The following LTBP1 variants were observed in gnomAD, a reference collection of about 807,000 sequenced individuals.
The protein encoded by LTBP1 is latent-transforming growth factor beta-binding protein 1.
A neutral mutation model predicts 207.6 loss-of-function variants in LTBP1; 129 were observed. That is an observed-to-expected ratio of 0.62 (90% CI 0.54 to 0.72). The LOEUF (loss-of-function observed/expected upper bound fraction) is 0.72. Among genes scored for constraint, LTBP1 ranks in the 30% least tolerant of loss-of-function variants. The probability of loss-of-function intolerance (pLI) is 0.00; values close to 1 mark genes in which losing one functional copy is unlikely to be tolerated. For missense variants in LTBP1, 2,281 were observed against 2,217.2 expected, an observed-to-expected ratio of 1.03 and a Z score of -0.58; for synonymous variants, 963 against 833.7, an observed-to-expected ratio of 1.16 and a Z score of -2.67.
At chr2:33,197,422 C>G (rs1332435958) in intron 7 of LTBP1, among the ~76,000 whole-genome samples, 1 of 152,320 alleles carries the variant, frequency 6.6e-6, no homozygotes, top group Non-Finnish European at 1.5e-5. Context: ...AGGGTAATCT[C>G]ATTTTTCACA....
intron 5 of LTBP1, among the ~76,000 whole-genome samples, chr2:33,147,913 T>A (rs2083186562): frequency 2.6e-5 from 4 of 152,188 alleles, no homozygotes; most frequent in African/African-American, 9.7e-5. Context: ...CCTTTTTTGC[T>A]CCAGTGGAAC....
intron 7 of LTBP1, among the ~76,000 whole-genome samples, chr2:33,215,946 C>T (rs1168693547): frequency 6.6e-6 from 1 of 152,054 alleles, no homozygotes; most frequent in Non-Finnish European, 1.5e-5. Context: ...ATCTCCTGAC[C>T]TCGTGATCTG....
At chr2:32,986,015 C>G (rs1196037603) in intron 2 of LTBP1, among the ~76,000 whole-genome samples, 1 of 152,084 alleles carries the variant, frequency 6.6e-6, no homozygotes, top group Non-Finnish European at 1.5e-5. Context: ...CTATCAATTG[C>G]AAGTACAAAA....
intron 2 of LTBP1, among the ~76,000 whole-genome samples, chr2:33,004,502 A>G (rs1686494982): frequency 6.6e-6 from 1 of 151,914 alleles, no homozygotes. Flanking sequence ...TTTAAAAATT[A>G]TGGTAAAATT....
At chr2:33,378,174 T>C (rs1186160809) in intron 31 of LTBP1, among the ~76,000 whole-genome samples, 1 of 126,912 alleles carries the variant, frequency 7.9e-6, no homozygotes, top group East Asian at 3.1e-4. Context: ...TTTACTTTCA[T>C]ATATATATAT....
At chr2:32,999,436 AG>A (rs1209571303) in intron 2 of LTBP1, among the ~76,000 whole-genome samples, 1 of 79,390 alleles carries the variant, frequency 1.3e-5, no homozygotes, top group African/African-American at 3.7e-5. Context: ...GTTGGTGCCT[AG>A]ATTGGAGCCC....
chr2:33,033,864 G>A (rs887539508), intron 3 of LTBP1, among the ~76,000 whole-genome samples: 8 of 152,122 alleles, frequency 5.3e-5, no homozygotes, highest in Admixed American at 1.3e-4. Flanking sequence ...GCTATTTTGC[G>A]TATGGACAGT....
chr2:33,132,303 G>C (rs2081860497), intron 4 of LTBP1, among the ~76,000 whole-genome samples: 1 of 152,136 alleles, frequency 6.6e-6, no homozygotes, highest in African/African-American at 2.4e-5. Flanking sequence ...TTCTCTGCTG[G>C]TGAAATCAGG....
At chr2:32,962,121 G>T (rs1307877546) in intron 2 of LTBP1, among the ~76,000 whole-genome samples, 1 of 151,980 alleles carries the variant, frequency 6.6e-6, no homozygotes, top group East Asian at 1.9e-4. Context: ...TGAGTTTTTG[G>T]TAACTAAAGA....
At chr2:32,958,948 T>A (rs375044322) in intron 2 of LTBP1, among the ~76,000 whole-genome samples, 187 of 152,354 alleles carry the variant, frequency 1.2e-3, no homozygotes, top group African/African-American at 4.3e-3. Flanking sequence ...CATCATCTGA[T>A]AGAGATTTGG....
At chr2:33,248,969 A>C (rs995549451) in intron 10 of LTBP1, among the ~76,000 whole-genome samples, 2 of 152,138 alleles carry the variant, frequency 1.3e-5, no homozygotes, top group African/African-American at 4.8e-5. Context: ...AGACTCCTCA[A>C]AGCAGCTTTA....
intron 31 of LTBP1, among the ~76,000 whole-genome samples, chr2:33,384,882 C>T (rs185930216): frequency 3.9e-5 from 6 of 152,208 alleles, no homozygotes; most frequent in African/African-American, 1.4e-4. Flanking sequence ...TGCCCAGAGG[C>T]CCAGCACATG....
intron 25 of LTBP1, among the ~76,000 whole-genome samples, chr2:33,345,001 G>A (rs1199945774): frequency 2.0e-5 from 3 of 152,012 alleles, no homozygotes; most frequent in African/African-American, 7.3e-5. Context: ...CCTTAGAGAA[G>A]GAATATTTGT....
chr2:33,360,869 A>G, intron 27 of LTBP1, 90 bp downstream of exon 27: 2 of 1,171,230 alleles, frequency 1.7e-6, no homozygotes, highest in Non-Finnish European at 2.5e-6. Context: ...TCCCACAGCC[A>G]ACTCAAGGCG....
At chr2:32,961,705 G>A (rs1420180631) in intron 2 of LTBP1, among the ~76,000 whole-genome samples, 1 of 152,158 alleles carries the variant, frequency 6.6e-6, no homozygotes, top group Non-Finnish European at 1.5e-5. Context: ...CAGCACTTTG[G>A]GAGGCTGAGG....
In LTBP1 at chr2:33,350,503, C is replaced by T. The variant is rs564656733; in HGVS notation, c.4000+2993C>T. ...CCACTGGCAGAAGAGCACCCACTTCCAGCAGGGTATTGCCCCAGATGAACC... is the reference window on the plus strand; with the variant it reads ...CCACTGGCAGAAGAGCACCCACTTCTAGCAGGGTATTGCCCCAGATGAACC... On this transcript the variant is annotated intron_variant, in intron 26 of 33. Transcript: ENST00000404816. Among the ~76,000 whole-genome samples the T allele has an allele frequency of 5.4e-4, 82 of 152,338 alleles. 1 individual carries two copies. In the South Asian group the frequency reaches 0.012, roughly 23 times the overall value.
intron 18 of LTBP1, among the ~76,000 whole-genome samples, chr2:33,276,999 G>T (rs893746334): frequency 2.0e-5 from 3 of 152,244 alleles, no homozygotes; most frequent in African/African-American, 4.8e-5. Context: ...GGAGCATGGT[G>T]CTGGTTCCTT....
At chr2:33,320,359 C>A (rs139490961) in intron 24 of LTBP1, among the ~76,000 whole-genome samples, 2 of 144,568 alleles carry the variant, frequency 1.4e-5, no homozygotes, top group East Asian at 2.0e-4. Flanking sequence ...CAGAGCAAGA[C>A]TGCCTCAAAA....
intron 9 of LTBP1, among the ~76,000 whole-genome samples, chr2:33,238,927 G>GT (rs1366032088): frequency 6.6e-6 from 1 of 152,096 alleles, no homozygotes; most frequent in Non-Finnish European, 1.5e-5. Context: ...TTTATGTTGG[G>GT]TTGTTCATAG....
Sources: gnomAD v4.1 joint callset for allele counts (sites outside exome capture counted in the v4.1 genomes callset) on GRCh38, gnomAD v4.1.1 for gene constraint, MANE v1.5 for transcripts, NCBI Gene and HGNC (gene_info 2026-07-23, HGNC 2026-07-21) for gene names.